The following RIPK1 variants were observed in gnomAD, a reference collection of about 807,000 sequenced individuals.
The protein encoded by RIPK1 is receptor interacting serine/threonine kinase 1.
In RIPK1, 27 loss-of-function variants were observed where a neutral mutation model predicts 62.4. That is an observed-to-expected ratio of 0.43 (90% CI 0.32 to 0.60). RIPK1 has a LOEUF of 0.60. Among genes scored for constraint, RIPK1 ranks in the 20% least tolerant of loss-of-function variants. The pLI, the probability that RIPK1 is intolerant of heterozygous loss-of-function variation, is 0.07. For missense variants in RIPK1, 735 were observed against 831.0 expected (o/e 0.88, Z 1.42); for synonymous variants, 287 against 303.2 (o/e 0.95, Z 0.55).
intron 2 of RIPK1, 123 bp from the exon 3 acceptor site, chr6:3,077,656 G>A: frequency 2.9e-6 from 3 of 1,052,332 alleles, no homozygotes; most frequent in Non-Finnish European, 4.1e-6. Context: ...GCCTGTGCCT[G>A]GAAGAGATCG....
At chr6:3,106,495 A>C (rs754577804) in intron 9 of RIPK1, among the ~76,000 whole-genome samples, 16 of 152,232 alleles carry the variant, frequency 1.1e-4, no homozygotes, top group Non-Finnish European at 2.1e-4. Context: ...TAACTCCCAT[A>C]TCTCTATCAG....
chr6:3,068,705 G>GGGCTCAGTCCCGGTGACCCCCC (rs1758514123), intron 1 of RIPK1, 44 bp downstream of exon 1: 3 of 979,988 alleles, frequency 3.1e-6, no homozygotes, highest in Non-Finnish European at 2.4e-6. Flanking sequence ...GGAGGCCGCC[G>GGGCTCAGTCCCGGTGACCCCCC]GGCTCAGTCC....
intron 6 of RIPK1, chr6:3,088,794 T>C (rs1409178161): frequency 6.6e-6 from 1 of 152,332 alleles, no homozygotes; most frequent in African/African-American, 2.4e-5. Flanking sequence ...ATATTCAGGA[T>C]GGCATGGCTG....
chr6:3,077,969 C>T lies in RIPK1; in HGVS notation c.321+34C>T, dbSNP rs201925424. ...GGCCCCTCCGCACGGGGATCCCCAG[C>T]GCTTGGGCCCTGGCTGTCTGTTATG... On this transcript the variant is annotated intron_variant, in intron 3 of 10. Transcript: ENST00000259808. The T allele has an allele frequency of 1.5e-4, 234 of 1,607,862 alleles. No homozygotes were observed. In the African/African-American group the frequency reaches 2.6e-3, roughly 18 times the overall value.
upstream of RIPK1, chr6:3,068,380 AAG>A (rs1758482720): frequency 2.0e-6 from 2 of 985,430 alleles, no homozygotes; most frequent in Non-Finnish European, 2.4e-6. Flanking sequence ...TCTAGCCCGC[AAG>A]AGAGCTCCGG....
At chr6:3,068,109 C>A, upstream of RIPK1, 1 of 648,550 alleles carries the variant, frequency 1.5e-6, no homozygotes, top group Non-Finnish European at 1.9e-6. Context: ...TCCAACTTTG[C>A]TCGAGACTTC....
chr6:3,064,715 T>C (rs748809539), upstream of RIPK1, among the ~76,000 whole-genome samples: 4 of 152,012 alleles, frequency 2.6e-5, no homozygotes, highest in Non-Finnish European at 5.9e-5. Context: ...GGCCGCGGTG[T>C]TTGAGGGTGA....
intron 6 of RIPK1, among the ~76,000 whole-genome samples, chr6:3,087,996 A>G (rs1262938032): frequency 2.0e-5 from 3 of 152,240 alleles, no homozygotes; most frequent in African/African-American, 7.2e-5. Flanking sequence ...AATCCTTGAC[A>G]GGTAATTCTG....
intron 1 of RIPK1, among the ~76,000 whole-genome samples, chr6:3,075,463 T>C (rs1759002733): frequency 6.6e-6 from 1 of 152,254 alleles, no homozygotes; most frequent in South Asian, 2.1e-4. Flanking sequence ...GTTTGCATTG[T>C]TCTTTTTATA....
intron 10 of RIPK1, among the ~76,000 whole-genome samples, chr6:3,111,329 C>G (rs972966118): frequency 2.6e-5 from 4 of 152,132 alleles, no homozygotes; most frequent in African/African-American, 9.7e-5. Context: ...GAAGGAGATC[C>G]TGTAAAAGAT....
intron 10 of RIPK1, among the ~76,000 whole-genome samples, chr6:3,112,245 C>T (rs1011567276): frequency 6.6e-6 from 1 of 152,126 alleles, no homozygotes. Context: ...AATGGGTTCA[C>T]GCCTGCTGGA....
In RIPK1 at chr6:3,104,805, A is replaced by T. The variant is rs549890343; in HGVS notation, c.1006+490A>T. ...AAATCATAATTGCTCCTCCTCTCATAGGGCTCTTCAAGAATGAAAGAATTC... is the reference window on the plus strand; with the variant it reads ...AAATCATAATTGCTCCTCCTCTCATTGGGCTCTTCAAGAATGAAAGAATTC... On this transcript the variant is annotated intron_variant, in intron 8 of 10. Coordinates refer to ENST00000259808, the MANE Select transcript of RIPK1 (RefSeq NM_001354930.2). 7.6e-4 allele frequency among the ~76,000 whole-genome samples: 116 copies of T among 152,282 alleles called. 4 individuals are homozygous for T. The South Asian group carries it at 0.02, about 26-fold the overall frequency.
At chr6:3,096,935 A>G (rs572754153) in intron 7 of RIPK1, among the ~76,000 whole-genome samples, 2 of 151,926 alleles carry the variant, frequency 1.3e-5, no homozygotes, top group Admixed American at 6.6e-5. Context: ...CAGAGGCGCA[A>G]TCTCGGCTCA....
intron 6 of RIPK1, among the ~76,000 whole-genome samples, chr6:3,087,761 C>A (rs6931688): frequency 2.3e-3 from 347 of 149,264 alleles, no homozygotes; most frequent in Middle Eastern, 3.4e-3. Flanking sequence ...GGATGGTCTC[C>A]ATCTCCTGAC....
intron 1 of RIPK1, among the ~76,000 whole-genome samples, chr6:3,069,086 G>A (rs1758552545): frequency 1.3e-5 from 2 of 152,248 alleles, no homozygotes; most frequent in Non-Finnish European, 2.9e-5. Context: ...GACTGGTAGC[G>A]GGCGGAGACC....
rs1759352556 is a variant in RIPK1 at position 3,081,058 on chromosome 6, T to G, written c.401T>G (p.Val134Gly). 1.9e-6 allele frequency: 3 copies of G among 1,614,108 alleles called. No homozygotes were observed. The highest frequency in any genetic ancestry group is 1.3e-5 in the African/African-American group (1 of 74,940). Residue 134 changes from valine (V) to glycine (G), a missense_variant, in exon 4 of 11, where the codon GTG (valine) becomes GGG (glycine). Coordinates refer to ENST00000259808, the MANE Select transcript of RIPK1 (RefSeq NM_001354930.2). ...ATGTGCTACTTACATGGAAAAGGCG[T>G]GATACACAAGGACCTGAAGCCTGAA... ...EGMCYLHGKGVIHKDLKPENI... is the reference protein window; with the variant it reads ...EGMCYLHGKGGIHKDLKPENI...
intron 9 of RIPK1, among the ~76,000 whole-genome samples, chr6:3,110,138 T>C (rs1481412870): frequency 2.6e-4 from 40 of 152,168 alleles, no homozygotes; most frequent in Non-Finnish European, 1.0e-4. Flanking sequence ...CTTTTGGGTA[T>C]ATACTCAGAA....
chr6:3,067,859 C>T (rs1258780941), upstream of RIPK1, among the ~76,000 whole-genome samples: 1 of 152,058 alleles, frequency 6.6e-6, no homozygotes, highest in African/African-American at 2.4e-5. Flanking sequence ...TCTCCTGCCT[C>T]AGCCTCCCGA....
chr6:3,090,198 G>A (rs534987747), intron 7 of RIPK1, among the ~76,000 whole-genome samples: 1 of 152,208 alleles, frequency 6.6e-6, no homozygotes, highest in South Asian at 2.1e-4. Flanking sequence ...AGCAGCATCT[G>A]CCCAAGACTG....
Sources: gnomAD v4.1 joint callset for allele counts (sites outside exome capture counted in the v4.1 genomes callset) on GRCh38, gnomAD v4.1.1 for gene constraint, MANE v1.5 for transcripts, NCBI Gene and HGNC (gene_info 2026-07-23, HGNC 2026-07-21) for gene names.